Variants in MTHFD2 observed in about 807,000 individuals in gnomAD.
MTHFD2 encodes bifunctional methylenetetrahydrofolate dehydrogenase/cyclohydrolase, mitochondrial.
MTHFD2 carries 26 observed loss-of-function variants against 36.8 expected under a neutral mutation model. The ratio of observed to expected loss-of-function variants is 0.71; its 90% CI spans 0.52 to 0.98. The LOEUF is 0.98. Among genes scored for constraint, MTHFD2 ranks in the 50% least tolerant of loss-of-function variants. The pLI, the probability that MTHFD2 is intolerant of heterozygous loss-of-function variation, is 0.00. For missense variants in MTHFD2, 373 were observed against 434.0 expected, an observed-to-expected ratio of 0.86 and a Z score of 1.25; for synonymous variants, 164 against 155.2, an observed-to-expected ratio of 1.06 and a Z score of -0.42.
At position 74,210,785 on chromosome 2, in the gene MTHFD2, G is replaced by GTTTT. The variant is rs71406865; in HGVS notation, c.671-400_671-397dup. Among the ~76,000 whole-genome samples, 96 of 132,050 alleles carry GTTTT rather than the reference G, an allele frequency of 7.3e-4. 3 individuals carry two copies. The highest frequency in any genetic ancestry group is 2.2e-3 in the African/African-American group (76 of 34,296). The allele number at this position is 132,050 out of a possible 152,430, so 86.6% of individuals were successfully genotyped here. ...AAACATGGCACAAGCCATTAAGTCA[G>GTTTT]TTTTTTTTTTTTTTTTTCCTGGAGA... On this transcript the variant is annotated intron_variant, in intron 5 of 7. Coordinates refer to ENST00000394053, the MANE Select transcript of MTHFD2 (RefSeq NM_006636.4).
At chr2:74,213,438 G>A (rs1467494966) in intron 7 of MTHFD2, among the ~76,000 whole-genome samples, 1 of 151,292 alleles carries the variant, frequency 6.6e-6, no homozygotes, top group East Asian at 1.9e-4. Flanking sequence ...CACCTCACTT[G>A]GCTAATTTTT....
chr2:74,211,418 A>G (rs979976362), intron 6 of MTHFD2, 127 bp downstream of exon 6: 1 of 645,746 alleles, frequency 1.5e-6, no homozygotes, highest in Non-Finnish European at 2.7e-6. Flanking sequence ...TGAGCTGCCT[A>G]CAAAGATGAG....
At chr2:74,208,827 C>T (rs774393960) in intron 4 of MTHFD2, 106 bp downstream of exon 4, 39 of 1,170,616 alleles carry the variant, frequency 3.3e-5, no homozygotes, top group Non-Finnish European at 4.6e-5. Flanking sequence ...TACTGCATAT[C>T]CTCTAGTCTT....
rs138373638 is a variant in MTHFD2 at position 74,207,364 on chromosome 2, G to A, written c.287-340G>A. Among the ~76,000 whole-genome samples the A allele has an allele frequency of 1.1e-4, 17 of 151,910 alleles. No individual in the cohort carries two copies. The East Asian group carries it at 3.1e-3, about 28-fold the overall frequency. Reference sequence around the variant, plus strand: ...AGGATGGTCTCCATCTCCTGACCTCGTGATCCGCTGGCCTTGGCCTCCCAA... The same window carrying A: ...AGGATGGTCTCCATCTCCTGACCTCATGATCCGCTGGCCTTGGCCTCCCAA... On this transcript the variant is annotated intron_variant, in intron 2 of 7. Transcript: ENST00000394053.
In MTHFD2 at chr2:74,211,719, TCTTTC is replaced by T; in HGVS notation, c.764-16_764-12del. 1.9e-6 allele frequency: 3 copies of T among 1,598,674 alleles called. No individual in the cohort carries two copies. In the South Asian group the frequency reaches 3.4e-5, roughly 18 times the overall value. ...TAGACTGTTTTCAGTACTAAGTTGATCTTTCCTTTCTCCATTTCCAGGTATTCCAA... is the reference window on the plus strand; with the variant it reads ...TAGACTGTTTTCAGTACTAAGTTGATCTTTCTCCATTTCCAGGTATTCCAA... On this transcript the variant is annotated splice_polypyrimidine_tract_variant and intron_variant, in intron 6 of 7. Transcript: ENST00000394053.
chr2:74,211,036 C>T lies in MTHFD2; in HGVS notation c.671-163C>T, dbSNP rs148676689. ...TCCTGACCTGGTGATCTGCCCACCTCGGCCTCCCAAAGTGCTGGGATTACA... is the reference window on the plus strand; with the variant it reads ...TCCTGACCTGGTGATCTGCCCACCTTGGCCTCCCAAAGTGCTGGGATTACA... On this transcript the variant is annotated intron_variant, in intron 5 of 7. Transcript: ENST00000394053. Among the ~76,000 whole-genome samples, 79 of 152,326 alleles carry T rather than the reference C, an allele frequency of 5.2e-4. No homozygotes were observed. In the East Asian group the frequency reaches 7.7e-3, roughly 15 times the overall value.
chr2:74,204,102 C>T (rs1005893214), intron 1 of MTHFD2, among the ~76,000 whole-genome samples: 2 of 151,866 alleles, frequency 1.3e-5, no homozygotes, highest in African/African-American at 2.4e-5. Flanking sequence ...TTAGCAGAGA[C>T]GGGGTTTTGC....
chr2:74,201,714 T>G (rs564903894), intron 1 of MTHFD2, among the ~76,000 whole-genome samples: 2 of 152,228 alleles, frequency 1.3e-5, no homozygotes, highest in Non-Finnish European at 2.9e-5. Flanking sequence ...AGTTACAATT[T>G]TGGATTCCCC....
intron 1 of MTHFD2, among the ~76,000 whole-genome samples, chr2:74,204,042 T>C (rs1694120818): frequency 6.6e-6 from 1 of 151,812 alleles, no homozygotes; most frequent in African/African-American, 2.4e-5. Flanking sequence ...GCCTCCTGAG[T>C]AGCTGGGATT....
intron 1 of MTHFD2, among the ~76,000 whole-genome samples, chr2:74,205,386 G>C (rs929218527): frequency 6.6e-6 from 1 of 152,202 alleles, no homozygotes; most frequent in Admixed American, 6.5e-5. Context: ...AGCCCAGACT[G>C]ATGTGAGACT....
chr2:74,213,379 C>T (rs973436447), intron 7 of MTHFD2, among the ~76,000 whole-genome samples: 6 of 142,244 alleles, frequency 4.2e-5, no homozygotes, highest in Admixed American at 3.0e-4. Context: ...TGGGCTTGAG[C>T]AATTCTCCTG....
intron 1 of MTHFD2, 122 bp downstream of exon 1, chr2:74,198,864 G>A (rs1335420684): frequency 5.2e-6 from 5 of 970,370 alleles, no homozygotes; most frequent in Non-Finnish European, 5.9e-6. Context: ...CCCGGCGGTG[G>A]TGGCCGCTGA....
chr2:74,204,554 C>T (rs538525535), intron 1 of MTHFD2, among the ~76,000 whole-genome samples: 55 of 152,346 alleles, frequency 3.6e-4, no homozygotes, highest in Non-Finnish European at 6.6e-4. Context: ...ACTGGTTCAA[C>T]TAACTCTCAC....
chr2:74,203,207 T>C (rs1694081965), intron 1 of MTHFD2, among the ~76,000 whole-genome samples: 1 of 152,148 alleles, frequency 6.6e-6, no homozygotes, highest in South Asian at 2.1e-4. Flanking sequence ...GGTTTTGCCA[T>C]GTTGGCCAGG....
At position 74,205,732 on chromosome 2, in the gene MTHFD2, G is replaced by A; in HGVS notation, c.129G>A (p.Arg43=). 1 of 1,613,754 alleles carries A rather than the reference G, an allele frequency of 6.2e-7. No homozygotes were observed. The highest frequency in any genetic ancestry group is 8.5e-7 in the Non-Finnish European group (1 of 1,179,968). ...ATGAAGCTGTTGTCATTTCTGGAAGGAAACTGGCCCAGCAGATCAAGCAGG... is the reference window on the plus strand; with the variant it reads ...ATGAAGCTGTTGTCATTTCTGGAAGAAAACTGGCCCAGCAGATCAAGCAGG... ...VRNEAVVISG[R]KLAQQIKQEV... The change falls in exon 2 of 8, where the codon AGG becomes AGA. Residue 43 remains arginine, a synonymous_variant. Coordinates refer to ENST00000394053, the MANE Select transcript of MTHFD2 (RefSeq NM_006636.4).
intron 4 of MTHFD2, 141 bp downstream of exon 4, chr2:74,208,862 A>T: frequency 2.2e-6 from 2 of 915,404 alleles, no homozygotes; most frequent in Non-Finnish European, 3.2e-6. Flanking sequence ...ACCTCTCTTA[A>T]CAGTTTTTTT....
chr2:74,204,471 G>T (rs1694132076), intron 1 of MTHFD2, among the ~76,000 whole-genome samples: 1 of 152,188 alleles, frequency 6.6e-6, no homozygotes, highest in South Asian at 2.1e-4. Flanking sequence ...CCATTGGTGT[G>T]ACTATTATTC....
intron 4 of MTHFD2, among the ~76,000 whole-genome samples, chr2:74,208,984 A>G (rs1178384119): frequency 6.8e-6 from 1 of 146,612 alleles, no homozygotes; most frequent in Non-Finnish European, 1.5e-5. Flanking sequence ...AGCGATTCTC[A>G]TGCCTCAGCC....
chr2:74,214,012 A>G, intron 7 of MTHFD2, 67 bp from the exon 8 acceptor site: 2 of 1,483,742 alleles, frequency 1.3e-6, no homozygotes, highest in Non-Finnish European at 1.8e-6. Flanking sequence ...TTGTTTAATA[A>G]TATATTAAAG....
Sources: gnomAD v4.1 joint callset for allele counts (sites outside exome capture counted in the v4.1 genomes callset) on GRCh38, gnomAD v4.1.1 for gene constraint, MANE v1.5 for transcripts, NCBI Gene and HGNC (gene_info 2026-07-23, HGNC 2026-07-21) for gene names.